TAF6L: variants seen among roughly 807,000 people sequenced by gnomAD.
TAF6L encodes TATA-box binding protein associated factor 6 like.
In TAF6L, 34 loss-of-function variants were observed where a neutral mutation model predicts 57.3. The ratio of observed to expected loss-of-function variants is 0.59; its 90% CI spans 0.45 to 0.79. TAF6L has a LOEUF of 0.79. Ranked by LOEUF, TAF6L falls within the 30% of genes least tolerant of loss-of-function variation. The pLI is 0.00. For missense variants in TAF6L, 782 were observed against 853.2 expected (o/e 0.92, Z 1.04); for synonymous variants, 417 against 376.3 (o/e 1.11, Z -1.25).
intron 9 of TAF6L, chr11:62,786,028 T>G: frequency 2.2e-6 from 1 of 462,512 alleles, no homozygotes; most frequent in Non-Finnish European, 3.9e-6. Flanking sequence ...GGCAGTGATA[T>G]TGGGTATATT....
chr11:62,787,293 C>A lies in TAF6L; in HGVS notation c.1866C>A (p.Leu622=), dbSNP rs372003013. The A allele has an allele frequency of 6.5e-7, 1 of 1,539,588 alleles. No individual in the cohort carries two copies. Among genetic ancestry groups the A allele is most frequent in the African/African-American group, 1.4e-5 (1 of 71,692 alleles). ...ALSDYSLYLP[L] The stretch of plus-strand genomic sequence containing the variant: ...CGGACTACTCGCTGTACTTGCCGCT[C>A]TGAGTCAGTGGCCCCTTCGTTCCTT... The change falls in exon 11 of 11, where the codon CTC becomes CTA. Residue 622 remains leucine (L), a synonymous_variant. Transcript: ENST00000294168.
intron 2 of TAF6L, 95 bp downstream of exon 2, chr11:62,776,025 G>A: frequency 1.4e-6 from 2 of 1,427,612 alleles, no homozygotes; most frequent in South Asian, 1.4e-5. Context: ...TGTACACTGG[G>A]TGCCTGCTCC....
At chr11:62,785,596 G>A (rs1032490189) in intron 9 of TAF6L, among the ~76,000 whole-genome samples, 4 of 150,528 alleles carry the variant, frequency 2.7e-5, no homozygotes, top group African/African-American at 7.4e-5. Flanking sequence ...GTGCGGTGGT[G>A]TGATCTCGGC....
In TAF6L at chr11:62,787,212, G is replaced by A. The variant is rs1277967966; in HGVS notation, c.1785G>A (p.Val595=). Reference sequence around the variant, plus strand: ...GGCCTAGCCCGGCCTCGCGCTACGTGCAGAAACTGCCCATGATCGGCCGTA... The same window carrying A: ...GGCCTAGCCCGGCCTCGCGCTACGTACAGAAACTGCCCATGATCGGCCGTA... ...PYGPSPASRY[V]QKLPMIGRTS... is the part of the protein sequence containing the mutation. The change falls in exon 11 of 11, where the codon GTG becomes GTA. Residue 595 remains valine, a synonymous_variant. Transcript: ENST00000294168. The A allele has an allele frequency of 1.9e-6, 3 of 1,588,056 alleles. No homozygotes were observed. Among genetic ancestry groups the A allele is most frequent in the Middle Eastern group, 3.3e-4 (2 of 6,026 alleles).
intron 1 of TAF6L, among the ~76,000 whole-genome samples, chr11:62,772,878 T>G (rs1374649434): frequency 2.6e-5 from 4 of 152,066 alleles, no homozygotes; most frequent in Non-Finnish European, 4.4e-5. Flanking sequence ...TTTTTGTTTT[T>G]TGTTTTGTGT....
rs1221292522 is a variant in TAF6L, at chr11:62,776,418, G to A, written c.182G>A (p.Arg61Gln). 6 of 1,613,654 alleles carry A rather than the reference G, an allele frequency of 3.7e-6. No individual in the cohort carries two copies. Among genetic ancestry groups the A allele is most frequent in the African/African-American group, 2.7e-5 (2 of 74,914 alleles). The part of the protein sequence containing the change: ...SSQFMKHTKR[R>Q]KLTVEDFNRA... ...CAGTTCATGAAGCACACCAAACGCC[G>A]GAAGCTGACGGTTGAGGACTTCAAC... The change falls in exon 3 of 11, where the codon CGG (arginine) becomes CAG (glutamine). Residue 61 changes from arginine (R) to glutamine (Q), a missense_variant. Transcript: ENST00000294168.
intron 3 of TAF6L, among the ~76,000 whole-genome samples, chr11:62,777,089 G>A (rs1213403986): frequency 6.6e-6 from 1 of 151,904 alleles, no homozygotes; most frequent in Admixed American, 6.6e-5. Context: ...AGAGGTTGCA[G>A]TGAGCTGAGA....
chr11:62,780,713 TGAGGCCGG>T (rs1178102292), intron 6 of TAF6L, among the ~76,000 whole-genome samples: 3 of 149,234 alleles, frequency 2.0e-5, no homozygotes, highest in African/African-American at 7.4e-5. Flanking sequence ...GTGGATCATG[TGAGGCCGG>T]GAGTTCGAGA....
chr11:62,783,545 T>C (rs1457682935), intron 9 of TAF6L, among the ~76,000 whole-genome samples: 3 of 151,608 alleles, frequency 2.0e-5, no homozygotes, highest in Admixed American at 2.0e-4. Flanking sequence ...CTTTTTTTTT[T>C]TTTTTTGAGA....
intron 1 of TAF6L, among the ~76,000 whole-genome samples, chr11:62,774,951 G>A (rs916484132): frequency 2.7e-5 from 4 of 150,460 alleles, no homozygotes; most frequent in African/African-American, 9.8e-5. Flanking sequence ...TGTAATCCCA[G>A]CTACTCAGGA....
intron 6 of TAF6L, among the ~76,000 whole-genome samples, chr11:62,779,953 T>TAC (rs1590935090): frequency 2.1e-3 from 189 of 88,182 alleles, no homozygotes; most frequent in South Asian, 4.0e-3. Flanking sequence ...GGCGTGAGCC[T>TAC]ATATATATAT....
At chr11:62,775,535 G>T in intron 1 of TAF6L, 1 of 451,078 alleles carries the variant, frequency 2.2e-6, no homozygotes, top group African/African-American at 2.0e-5. Context: ...GGGCAGGAAT[G>T]GGACCTAGTT....
chr11:62,775,700 G>A, intron 1 of TAF6L, 71 bp from the exon 2 acceptor site: 2 of 1,472,594 alleles, frequency 1.4e-6, no homozygotes, highest in South Asian at 2.6e-5. Flanking sequence ...TGGTGTGGAG[G>A]GTGTTGGATC....
chr11:62,780,511 C>CA (rs879663468), intron 6 of TAF6L, among the ~76,000 whole-genome samples: 32 of 148,534 alleles, frequency 2.2e-4, no homozygotes, highest in East Asian at 1.6e-3. Flanking sequence ...AACTTCATCT[C>CA]AAAAAAAAAG....
At chr11:62,772,088 G>GGA (rs1470767252) in intron 1 of TAF6L, 2 of 456,212 alleles carry the variant, frequency 4.4e-6, no homozygotes, top group East Asian at 1.4e-4. Context: ...TCATGATCTT[G>GGA]GAGAAGTCAT....
In TAF6L at chr11:62,775,892, G is replaced by A. The variant is rs184180615; in HGVS notation, c.109G>A (p.Ala37Thr). ...ELSDEVAALL[A>T]EDVCYRLREA... ...GAGCGATGAGGTGGCGGCGCTGCTC[G>A]CAGAGGACGTGTGCTATCGTCTGAG... Residue 37 changes from alanine to threonine, a missense_variant, in exon 2 of 11, where the codon GCA becomes ACA. Physicochemically the swap from Ala to Thr is moderately conservative, Grantham distance 58. Coordinates refer to ENST00000294168, the MANE Select transcript of TAF6L (RefSeq NM_006473.4). The A allele has an allele frequency of 4.3e-6, 7 of 1,613,814 alleles. No individual in the cohort carries two copies. The highest frequency in any genetic ancestry group is 4.0e-5 in the African/African-American group (3 of 75,034).
chr11:62,773,570 T>C (rs2084165187), intron 1 of TAF6L, among the ~76,000 whole-genome samples: 1 of 151,726 alleles, frequency 6.6e-6, no homozygotes, highest in Non-Finnish European at 1.5e-5. Context: ...GCCTCAGCCT[T>C]GCGAGTAGCT....
intron 4 of TAF6L, 61 bp downstream of exon 4, chr11:62,778,189 A>G: frequency 6.2e-7 from 1 of 1,613,648 alleles, no homozygotes; most frequent in Non-Finnish European, 8.5e-7. Context: ...AGAAGTGGTG[A>G]TGGGCTGGCT....
Position 62,784,547 on chromosome 11 carries a change from C to A in TAF6L, c.961-1713C>A, listed in dbSNP as rs371174654. Among the ~76,000 whole-genome samples, 5 of 152,218 alleles carry A rather than the reference C, an allele frequency of 3.3e-5. No individual in the cohort carries two copies. The East Asian group carries it at 9.6e-4, about 29-fold the overall frequency. ...GGTCTCGATCTCCTGGCCTCATGAT[C>A]CGCCCGCCTTGGCCTCCCAAAGTGT... On this transcript the variant is annotated intron_variant, in intron 9 of 10. Transcript: ENST00000294168.
Sources: allele counts gnomAD v4.1 joint callset (sites outside exome capture counted in the v4.1 genomes callset), GRCh38; gene constraint gnomAD v4.1.1; transcripts MANE v1.5; gene names NCBI Gene and HGNC (gene_info 2026-07-23, HGNC 2026-07-21).